Variants in RIMS1 observed in about 807,000 individuals in gnomAD.
The protein encoded by RIMS1 is regulating synaptic membrane exocytosis protein 1.
A neutral mutation model predicts 214.1 loss-of-function variants in RIMS1; 83 were observed. That is an observed-to-expected ratio of 0.39 (90% CI 0.32 to 0.47). RIMS1 has a LOEUF of 0.47. Among genes scored for constraint, RIMS1 ranks in the 20% least tolerant of loss-of-function variants. The pLI is 0.99. For missense variants in RIMS1, 2,050 were observed against 2,161.8 expected, an observed-to-expected ratio of 0.95 and a Z score of 1.03; for synonymous variants, 793 against 786.8, an observed-to-expected ratio of 1.01 and a Z score of -0.13.
At chr6:72,198,259 C>T (rs1475425713) in intron 6 of RIMS1, among the ~76,000 whole-genome samples, 5 of 152,034 alleles carry the variant, frequency 3.3e-5, no homozygotes, top group Non-Finnish European at 7.4e-5. Flanking sequence ...CAATTAAATA[C>T]GATTCGCCCA....
chr6:71,921,892 T>G (rs1189443911), intron 1 of RIMS1, among the ~76,000 whole-genome samples: 1 of 152,228 alleles, frequency 6.6e-6, no homozygotes, highest in East Asian at 1.9e-4. Flanking sequence ...TCTGGTTTCT[T>G]TACCAGCACT....
rs563393048 is a variant in RIMS1, at chr6:72,191,871, T to C, written c.1678+8722T>C. Among the ~76,000 whole-genome samples, 343 of 152,296 alleles carry C rather than the reference T, an allele frequency of 2.3e-3. 1 individual carries two copies. The highest frequency in any genetic ancestry group is 2.7e-3 in the Non-Finnish European group (187 of 68,024). The stretch of plus-strand genomic sequence containing the variant: ...CAAATAGGAGAGTTGAACGGGGATG[T>C]GGTGGGCATCACCACCCCTGGGTCT... On this transcript the variant is annotated intron_variant, in intron 6 of 33. Coordinates refer to ENST00000521978, the MANE Select transcript of RIMS1 (RefSeq NM_014989.7).
chr6:72,390,626 C>T lies in RIMS1; in HGVS notation c.4395C>T (p.Thr1465=), dbSNP rs1230469178. The T allele has an allele frequency of 6.2e-7, 1 of 1,613,584 alleles. No homozygotes were observed. The highest frequency in any genetic ancestry group is 1.7e-5 in the Admixed American group (1 of 59,988). Residue 1465 remains threonine (T), a synonymous_variant, in exon 30 of 34, where the codon ACC becomes ACT. Transcript: ENST00000521978. ...TESGHKKLKS[T]IQRSTETGMA... Reference sequence around the variant, plus strand: ...CGGGCCACAAAAAGTTAAAAAGTACCATCCAGAGAAGCACAGAAACAGGCA... The same window carrying T: ...CGGGCCACAAAAAGTTAAAAAGTACTATCCAGAGAAGCACAGAAACAGGCA...
chr6:71,941,220 A>C (rs981189461), intron 1 of RIMS1, among the ~76,000 whole-genome samples: 2 of 152,154 alleles, frequency 1.3e-5, no homozygotes, highest in African/African-American at 4.8e-5. Context: ...TATAAAAATA[A>C]TTTTTATTGT....
chr6:72,275,172 A>C (rs2085685249), intron 23 of RIMS1, among the ~76,000 whole-genome samples: 5 of 39,792 alleles, frequency 1.3e-4, no homozygotes, highest in African/African-American at 5.1e-4. Context: ...ATATATATAT[A>C]TATATATATG....
chr6:72,212,900 G>A, intron 6 of RIMS1: 1 of 1,318,864 alleles, frequency 7.6e-7, no homozygotes, highest in Non-Finnish European at 9.7e-7. Context: ...ACTGCACAGT[G>A]CCTGCAGTGA....
At chr6:72,275,516 T>C (rs2085915382) in intron 23 of RIMS1, among the ~76,000 whole-genome samples, 1 of 152,104 alleles carries the variant, frequency 6.6e-6, no homozygotes, top group Non-Finnish European at 1.5e-5. Flanking sequence ...GTTTTACAAA[T>C]ACTGGAAAAG....
In RIMS1 at chr6:72,233,851, T is replaced by C. The variant is rs780159588; in HGVS notation, c.1746+11T>C. On this transcript the variant is annotated intron_variant, in intron 7 of 33. Coordinates refer to ENST00000521978, the MANE Select transcript of RIMS1 (RefSeq NM_014989.7). Reference sequence around the variant, plus strand: ...TCACCTATTAGTTCGGTAAGTTTTCTGGAAAGTGTGTTTGGAGTTTAGGGA... The same window carrying C: ...TCACCTATTAGTTCGGTAAGTTTTCCGGAAAGTGTGTTTGGAGTTTAGGGA... The C allele has an allele frequency of 1.0e-5, 16 of 1,559,566 alleles. No individual in the cohort carries two copies. Among genetic ancestry groups the C allele is most frequent in the Non-Finnish European group, 1.4e-5 (16 of 1,146,766 alleles).
At chr6:72,199,219 G>T (rs1317488418) in intron 6 of RIMS1, among the ~76,000 whole-genome samples, 2 of 151,688 alleles carry the variant, frequency 1.3e-5, no homozygotes, top group Non-Finnish European at 2.9e-5. Context: ...AATAAAAAGG[G>T]GCAATTAAAA....
intron 2 of RIMS1, among the ~76,000 whole-genome samples, chr6:71,983,986 G>A (rs1799180789): frequency 6.6e-6 from 1 of 152,086 alleles, no homozygotes; most frequent in Admixed American, 6.5e-5. Flanking sequence ...TTGCTATTAT[G>A]TGTTTATCAT....
At chr6:71,959,229 G>A (rs970149536) in intron 1 of RIMS1, among the ~76,000 whole-genome samples, 2 of 152,082 alleles carry the variant, frequency 1.3e-5, no homozygotes, top group African/African-American at 4.8e-5. Flanking sequence ...TTTCTAGGCA[G>A]GTGAATCAGT....
At chr6:72,068,390 G>C (rs1829818610) in intron 2 of RIMS1, among the ~76,000 whole-genome samples, 2 of 152,096 alleles carry the variant, frequency 1.3e-5, no homozygotes, top group South Asian at 2.1e-4. Flanking sequence ...CTTAAGCACT[G>C]ATAGATAAAA....
intron 4 of RIMS1, among the ~76,000 whole-genome samples, chr6:72,145,053 A>G (rs1050077252): frequency 1.3e-5 from 2 of 152,118 alleles, no homozygotes; most frequent in Non-Finnish European, 2.9e-5. Flanking sequence ...GTTAAAAACA[A>G]ATCATAATAG....
intron 4 of RIMS1, among the ~76,000 whole-genome samples, chr6:72,144,996 T>C (rs1186505233): frequency 1.3e-5 from 2 of 152,088 alleles, no homozygotes; most frequent in African/African-American, 2.4e-5. Context: ...GTGATTCTCC[T>C]GCCTCAGCCT....
At chr6:71,947,412 C>T (rs1444931118) in intron 1 of RIMS1, among the ~76,000 whole-genome samples, 1 of 151,912 alleles carries the variant, frequency 6.6e-6, no homozygotes, top group Non-Finnish European at 1.5e-5. Flanking sequence ...CATAGTTCAA[C>T]CTAAAGAACA....
In RIMS1 at chr6:72,291,794, TAAA is replaced by T. The variant is rs1197388458; in HGVS notation, c.3738-137_3738-135del. On this transcript the variant is annotated intron_variant, in intron 25 of 33. Transcript: ENST00000521978. ...TGTAATATTCCATTTACACATATCATAAAAAGTGTTTGATTCTGCTCCCATTGG... is the reference window on the plus strand; with the variant it reads ...TGTAATATTCCATTTACACATATCATAAGTGTTTGATTCTGCTCCCATTGG... 4.3e-6 allele frequency: 3 copies of T among 700,496 alleles called. No individual in the cohort carries two copies. The Admixed American group carries it at 6.2e-5, about 14-fold the overall frequency. The allele number at this position is 700,496 out of a possible 1,614,324, so 43.4% of individuals were successfully genotyped here.
At chr6:72,379,964 A>G (rs142445461) in intron 29 of RIMS1, among the ~76,000 whole-genome samples, 3 of 148,718 alleles carry the variant, frequency 2.0e-5, no homozygotes, top group South Asian at 2.1e-4. Flanking sequence ...TTTTAAAAAT[A>G]TATATTCACA....
At chr6:71,889,801 T>G (rs1769050096) in intron 1 of RIMS1, among the ~76,000 whole-genome samples, 1 of 152,244 alleles carries the variant, frequency 6.6e-6, no homozygotes, top group African/African-American at 2.4e-5. Context: ...AACAGGATTC[T>G]TTTAACAGGG....
chr6:72,131,662 G>A (rs541726522), intron 4 of RIMS1, among the ~76,000 whole-genome samples: 1 of 152,340 alleles, frequency 6.6e-6, no homozygotes, highest in South Asian at 2.1e-4. Context: ...AATTGCTAAT[G>A]AAGTTTTGGG....
Sources: allele counts gnomAD v4.1 joint callset (sites outside exome capture counted in the v4.1 genomes callset), GRCh38; gene constraint gnomAD v4.1.1; transcripts MANE v1.5; gene names NCBI Gene and HGNC (gene_info 2026-07-23, HGNC 2026-07-21).